Variants in FAS observed in about 807,000 individuals in gnomAD.
FAS encodes tumor necrosis factor receptor superfamily member 6.
Under a neutral mutation model 33.2 loss-of-function variants are expected in FAS, and 5 were observed. That is an observed-to-expected ratio of 0.15 (90% CI 0.08 to 0.32). The LOEUF (loss-of-function observed/expected upper bound fraction) is 0.32. Among genes scored for constraint, FAS ranks in the 10% least tolerant of loss-of-function variants. The pLI, the probability that FAS is intolerant of heterozygous loss-of-function variation, is 1.00. For missense variants in FAS, 339 were observed against 386.0 expected, an observed-to-expected ratio of 0.88 and a Z score of 1.02; for synonymous variants, 131 against 130.7, an observed-to-expected ratio of 1.00 and a Z score of -0.01.
Position 89,016,326 on chromosome 10 carries a change from A to G in FAS, c.*1876A>G, listed in dbSNP as rs1800623. On this transcript the variant is annotated 3_prime_UTR_variant, in exon 9 of 9. Transcript: ENST00000652046. ...GAAAGTCTGAGTGATCACAGGGTTC[A>G]CTCATTAATTTCTCTTTTCTGAGCC... The G allele has an allele frequency of 0.73, 159,956 of 218,146 alleles. 59,312 individuals carry two copies. The highest frequency in any genetic ancestry group is 0.96 in the East Asian group (14,222 of 14,850). The allele number at this position is 218,146 out of a possible 1,614,324, so 13.5% of individuals were successfully genotyped here. A position where few individuals can be genotyped will look rare whatever the true frequency, so the allele number is the denominator to read the frequency against.
intron 1 of FAS, among the ~76,000 whole-genome samples, chr10:88,969,202 T>C (rs905445273): frequency 1.3e-5 from 2 of 152,180 alleles, no homozygotes; most frequent in Admixed American, 6.5e-5. Flanking sequence ...TTGGAACACA[T>C]TGTTATTCCC....
At position 89,010,614 on chromosome 10, in the gene FAS, T is replaced by G. The variant is rs76988052; in HGVS notation, c.505+14T>G. ...GCAAAGAGGAAGGTAATTATTTTTT[T>G]ACGGTTATATTCTCCTTTCCCCCAA... On this transcript the variant is annotated intron_variant, in intron 5 of 8. Coordinates refer to ENST00000652046, the MANE Select transcript of FAS (RefSeq NM_000043.6). 6.2e-5 allele frequency: 100 copies of G among 1,613,304 alleles called. No homozygotes were observed. In the African/African-American group the frequency reaches 1.3e-3, roughly 20 times the overall value.
intron 2 of FAS, chr10:88,973,462 G>A (rs1846494692): frequency 2.2e-6 from 2 of 904,606 alleles, no homozygotes; most frequent in East Asian, 3.0e-5. Flanking sequence ...AGAAAAACAC[G>A]TCATTTCATC....
chr10:89,011,911 C>A, intron 6 of FAS, 88 bp from the exon 7 acceptor site: 1 of 1,198,368 alleles, frequency 8.3e-7, no homozygotes, highest in East Asian at 2.4e-5. Context: ...CTTTTTCCTT[C>A]TTATATTTCT....
rs539468288 is a variant in FAS at position 89,004,309 on chromosome 10, TAAG to T, written c.196+1118_196+1120del. Among the ~76,000 whole-genome samples the T allele has an allele frequency of 7.6e-3, 1,161 of 152,328 alleles. 14 individuals are homozygous for T. Among genetic ancestry groups the T allele is most frequent in the African/African-American group, 0.026 (1,089 of 41,572 alleles). ...GTGAATGTAAATTGTTACAAACTTT[TAAG>T]AAATACATTTGGATATATGAGTCAA... On this transcript the variant is annotated intron_variant, in intron 2 of 8. Coordinates refer to ENST00000652046, the MANE Select transcript of FAS (RefSeq NM_000043.6).
At chr10:88,984,401 G>A (rs1179395795), upstream of FAS, among the ~76,000 whole-genome samples, 2 of 152,080 alleles carry the variant, frequency 1.3e-5, no homozygotes, top group Non-Finnish European at 2.9e-5. Context: ...GAGTGAGTAG[G>A]AATGGATTAC....
At position 89,010,760 on chromosome 10, in the gene FAS, A is replaced by G; in HGVS notation, c.513A>G (p.Arg171=). The G allele has an allele frequency of 6.2e-7, 1 of 1,614,080 alleles. No homozygotes were observed. Among genetic ancestry groups the G allele is most frequent in the East Asian group, 2.2e-5 (1 of 44,872 alleles). The part of the protein sequence containing the change: ...SNTKCKEEGS[R]SNLGWLCLLL... ...CAATGTTCCAACCTACAGGATCCAG[A>G]TCTAACTTGGGGTGGCTTTGTCTTC... is the stretch of plus-strand genomic sequence containing the variant. The change falls in exon 6 of 9, where the codon AGA becomes AGG. Residue 171 remains arginine (R), a synonymous_variant. Transcript: ENST00000652046.
At chr10:88,985,836 G>C (rs1846864575), upstream of FAS, among the ~76,000 whole-genome samples, 1 of 152,240 alleles carries the variant, frequency 6.6e-6, no homozygotes, top group African/African-American at 2.4e-5. Context: ...GTCTAAAGTA[G>C]AGAGAAAGCG....
chr10:88,965,185 C>T (rs1395742889), intron 1 of FAS, among the ~76,000 whole-genome samples: 2 of 152,138 alleles, frequency 1.3e-5, no homozygotes, highest in East Asian at 3.9e-4. Flanking sequence ...TTGATGTAAG[C>T]TCTTATATTT....
At chr10:88,966,439 A>G (rs1408872678) in intron 1 of FAS, among the ~76,000 whole-genome samples, 1 of 152,164 alleles carries the variant, frequency 6.6e-6, no homozygotes. Context: ...TTTGTAATCT[A>G]TAAGTGTGTG....
intron 1 of FAS, among the ~76,000 whole-genome samples, chr10:88,969,947 G>A (rs12219833): frequency 4.2e-4 from 64 of 152,088 alleles, no homozygotes; most frequent in Non-Finnish European, 7.8e-4. Flanking sequence ...ATGAATGAAC[G>A]AATGAATGAA....
chr10:89,006,942 A>C (rs1266336608), intron 2 of FAS, among the ~76,000 whole-genome samples: 2 of 152,236 alleles, frequency 1.3e-5, no homozygotes, highest in Non-Finnish European at 2.9e-5. Flanking sequence ...TTTTTAAGAT[A>C]ACAAGCCTGA....
At chr10:88,995,728 C>A (rs1395868897) in intron 1 of FAS, among the ~76,000 whole-genome samples, 1 of 151,946 alleles carries the variant, frequency 6.6e-6, no homozygotes, top group Admixed American at 6.6e-5. Context: ...CGGGAGGTCG[C>A]GGCAGGAGAA....
chr10:88,971,965 G>A (rs1384197512), intron 1 of FAS, among the ~76,000 whole-genome samples: 1 of 151,236 alleles, frequency 6.6e-6, no homozygotes, highest in Admixed American at 6.6e-5. Flanking sequence ...CTGGAGTGCA[G>A]AGGCGTGATC....
At chr10:88,975,883 T>C (rs1846550221) in intron 2 of FAS, among the ~76,000 whole-genome samples, 1 of 152,116 alleles carries the variant, frequency 6.6e-6, no homozygotes, top group Non-Finnish European at 1.5e-5. Flanking sequence ...CTACTCCCAT[T>C]GTGTTATACC....
intron 2 of FAS, 82 bp from the exon 3 acceptor site, chr10:89,007,618 T>A: frequency 6.4e-7 from 1 of 1,551,704 alleles, no homozygotes; most frequent in Non-Finnish European, 8.8e-7. Flanking sequence ...AAGAGTTTTA[T>A]TGTCTGTCAT....
rs2119445212 is a variant in FAS, at chr10:89,014,146, C to T, written c.704C>T (p.Thr235Ile). The change falls in exon 9 of 9, where the codon ACT becomes ATT. Residue 235 changes from threonine (T) to isoleucine (I), a missense_variant. Thr to Ile is a moderately conservative substitution (Grantham distance 89, BLOSUM62 -1). This residue lies in a region of FAS where 276 missense variants were observed against 300.1 expected (regional missense o/e 0.92). Coordinates refer to ENST00000652046, the MANE Select transcript of FAS (RefSeq NM_000043.6). ...GTTGACTTGAGTAAATATATCACCACTATTGCTGGAGTCATGACACTAAGT... is the reference window on the plus strand; with the variant it reads ...GTTGACTTGAGTAAATATATCACCATTATTGCTGGAGTCATGACACTAAGT... ...SDVDLSKYIT[T>I]IAGVMTLSQV... 1 of 1,613,740 alleles carries T rather than the reference C, an allele frequency of 6.2e-7. No individual in the cohort carries two copies. Among genetic ancestry groups the T allele is most frequent in the Middle Eastern group, 1.7e-4 (1 of 6,058 alleles).
At chr10:88,998,338 A>C (rs1847720920) in intron 1 of FAS, among the ~76,000 whole-genome samples, 1 of 89,778 alleles carries the variant, frequency 1.1e-5, no homozygotes, top group African/African-American at 4.0e-5. Flanking sequence ...AGCTTTAGTT[A>C]AAAAAAAGCA....
intron 2 of FAS, chr10:88,974,252 A>G (rs1378810764): frequency 1.7e-5 from 2 of 120,106 alleles, no homozygotes; most frequent in African/African-American, 5.7e-5. Context: ...TCTTTGGTGA[A>G]AAAAAAAAAA....
Sources: gnomAD v4.1 joint callset for allele counts (sites outside exome capture counted in the v4.1 genomes callset) on GRCh38, gnomAD v4.1.1 for gene constraint, gnomAD v4.1.1 regional missense constraint, MANE v1.5 for transcripts, NCBI Gene and HGNC (gene_info 2026-07-23, HGNC 2026-07-21) for gene names.